ADGRL3: variants seen among roughly 807,000 people sequenced by gnomAD.
The protein encoded by ADGRL3 is calcium-independent alpha-latrotoxin receptor 3.
ADGRL3 carries 62 observed loss-of-function variants against 153.5 expected under a neutral mutation model. The observed-to-expected ratio is 0.40, with a 90% CI of 0.33 to 0.50. The LOEUF (loss-of-function observed/expected upper bound fraction) is 0.50. Ranked by LOEUF, ADGRL3 falls within the 20% of genes least tolerant of loss-of-function variation. ADGRL3 has a pLI of 0.47. For missense variants in ADGRL3, 1,641 were observed against 1,859.4 expected (o/e 0.88, Z 2.16); for synonymous variants, 710 against 672.5 (o/e 1.06, Z -0.86).
At chr4:61,352,163 T>A (rs1353602220) in intron 1 of ADGRL3, among the ~76,000 whole-genome samples, 1 of 152,136 alleles carries the variant, frequency 6.6e-6, no homozygotes, top group African/African-American at 2.4e-5. Context: ...AAGACTTCAG[T>A]GGAGGAAGTA....
At chr4:61,279,960 C>T (rs891385673) in intron 1 of ADGRL3, among the ~76,000 whole-genome samples, 2 of 152,002 alleles carry the variant, frequency 1.3e-5, no homozygotes, top group African/African-American at 4.8e-5. Context: ...ACTTCTATAT[C>T]AAATGTACAA....
intron 8 of ADGRL3, among the ~76,000 whole-genome samples, chr4:61,753,542 A>G (rs1397679731): frequency 6.6e-6 from 1 of 152,304 alleles, no homozygotes; most frequent in East Asian, 1.9e-4. Flanking sequence ...AGTGGTAACA[A>G]CTTAAGAGGG....
chr4:61,299,548 C>T (rs1288433642), intron 1 of ADGRL3, among the ~76,000 whole-genome samples: 1 of 152,176 alleles, frequency 6.6e-6, no homozygotes, highest in African/African-American at 2.4e-5. Flanking sequence ...ATGTTGCCAC[C>T]TTCTGCTGAA....
intron 2 of ADGRL3, among the ~76,000 whole-genome samples, chr4:61,496,435 G>A (rs1291351225): frequency 1.3e-5 from 2 of 149,356 alleles, no homozygotes; most frequent in African/African-American, 4.9e-5. Flanking sequence ...AGGCCGAGGC[G>A]GGTGGATCAC....
intron 8 of ADGRL3, among the ~76,000 whole-genome samples, chr4:61,796,054 G>T (rs879942364): frequency 1.1e-4 from 16 of 152,088 alleles, no homozygotes; most frequent in Non-Finnish European, 2.1e-4. Flanking sequence ...TCTTGGCCGG[G>T]CTGGTCTCGA....
At chr4:61,649,353 A>T (rs2094162667) in intron 5 of ADGRL3, among the ~76,000 whole-genome samples, 1 of 152,148 alleles carries the variant, frequency 6.6e-6, no homozygotes, top group Non-Finnish European at 1.5e-5. Flanking sequence ...TAGCAGCAAC[A>T]TCTAAATTTA....
At chr4:61,616,000 C>A (rs1352972150) in intron 5 of ADGRL3, among the ~76,000 whole-genome samples, 1 of 151,954 alleles carries the variant, frequency 6.6e-6, no homozygotes, top group Non-Finnish European at 1.5e-5. Context: ...ATAAAACTGG[C>A]TATTTCGTTA....
rs1180624366 is a variant in ADGRL3, at chr4:61,778,588, C to G, written c.1400-35221C>G. ...CAACATTCGGTTTTTTAAAATTTATCCAACTATGCCCTTTTTATGTTGTAC... is the reference window on the plus strand; with the variant it reads ...CAACATTCGGTTTTTTAAAATTTATGCAACTATGCCCTTTTTATGTTGTAC... On this transcript the variant is annotated intron_variant, in intron 8 of 26. Transcript: ENST00000683033. 2.0e-5 allele frequency among the ~76,000 whole-genome samples: 3 copies of G among 152,168 alleles called. No homozygotes were observed. The South Asian group carries it at 6.2e-4, about 32-fold the overall frequency.
intron 2 of ADGRL3, among the ~76,000 whole-genome samples, chr4:61,447,403 C>CCTCA (rs35666211): frequency 0.93 from 141,578 of 151,992 alleles, 66,782 homozygotes; most frequent in East Asian, 1. Context: ...ACTTTCTGTC[C>CCTCA]CTCAGTAATC....
chr4:61,532,544 G>A (rs1336622495), intron 4 of ADGRL3, among the ~76,000 whole-genome samples: 3 of 77,222 alleles, frequency 3.9e-5, no homozygotes, highest in African/African-American at 8.5e-5. Flanking sequence ...GCGCGCGCGC[G>A]CGCGCGCGCG....
intron 3 of ADGRL3, among the ~76,000 whole-genome samples, chr4:61,509,748 G>C (rs896393330): frequency 6.6e-6 from 1 of 151,926 alleles, no homozygotes; most frequent in Non-Finnish European, 1.5e-5. Flanking sequence ...ATGTCTTTTT[G>C]GTAGAATAAT....
chr4:61,654,882 G>C (rs999030521), intron 5 of ADGRL3, among the ~76,000 whole-genome samples: 1 of 152,056 alleles, frequency 6.6e-6, no homozygotes, highest in Non-Finnish European at 1.5e-5. Context: ...GGGCAACAGA[G>C]CGAGACTCCA....
chr4:62,007,106 T>A (rs1264320841), intron 21 of ADGRL3, among the ~76,000 whole-genome samples: 2 of 151,720 alleles, frequency 1.3e-5, no homozygotes, highest in African/African-American at 4.8e-5. Flanking sequence ...TATCCTTTCT[T>A]GGTTGCATTG....
chr4:62,044,850 G>A lies in ADGRL3; in HGVS notation c.3814+301G>A, dbSNP rs541277477. ...GCCTCATTGGAAGCAGTGAAAATGG[G>A]CAATTATGTGGCTGTATAGTCGGCT... On this transcript the variant is annotated intron_variant, in intron 25 of 26. Coordinates refer to ENST00000683033, the MANE Select transcript of ADGRL3 (RefSeq NM_001387552.1). 2.0e-5 allele frequency among the ~76,000 whole-genome samples: 3 copies of A among 152,144 alleles called. No individual in the cohort carries two copies. The East Asian group carries it at 5.8e-4, about 29-fold the overall frequency.
chr4:61,686,307 A>T (rs571939108), intron 6 of ADGRL3, among the ~76,000 whole-genome samples: 22 of 152,238 alleles, frequency 1.4e-4, no homozygotes, highest in African/African-American at 4.3e-4. Flanking sequence ...TGCTGAAAAG[A>T]TCTTATGTTT....
intron 9 of ADGRL3, among the ~76,000 whole-genome samples, chr4:61,814,737 G>T (rs1451689950): frequency 6.6e-6 from 1 of 151,900 alleles, no homozygotes; most frequent in Non-Finnish European, 1.5e-5. Context: ...ATCCCTTCTT[G>T]CCTAATTGAT....
intron 8 of ADGRL3, among the ~76,000 whole-genome samples, chr4:61,756,878 C>G (rs2096839143): frequency 6.6e-6 from 1 of 152,094 alleles, no homozygotes; most frequent in South Asian, 2.1e-4. Context: ...TTGAGATAAT[C>G]ATATGGTTTT....
At chr4:61,910,586 C>A (rs926048123) in intron 12 of ADGRL3, among the ~76,000 whole-genome samples, 6 of 151,720 alleles carry the variant, frequency 4.0e-5, no homozygotes, top group Admixed American at 3.9e-4. Context: ...GACATGGGTT[C>A]CCTGACTGGC....
At chr4:61,667,045 AT>A (rs1267681668) in intron 5 of ADGRL3, among the ~76,000 whole-genome samples, 2 of 152,152 alleles carry the variant, frequency 1.3e-5, no homozygotes, top group Non-Finnish European at 2.9e-5. Context: ...GCACATTTCC[AT>A]TTATTTTGGA....
Sources: allele counts gnomAD v4.1 joint callset (sites outside exome capture counted in the v4.1 genomes callset), GRCh38; gene constraint gnomAD v4.1.1; transcripts MANE v1.5; gene names NCBI Gene and HGNC (gene_info 2026-07-23, HGNC 2026-07-21).